The following SNTB1 variants were observed in gnomAD, a reference collection of about 807,000 sequenced individuals.
The protein encoded by SNTB1 is syntrophin beta 1, also known as beta-1-syntrophin.
A neutral mutation model predicts 48.9 loss-of-function variants in SNTB1; 36 were observed. The observed-to-expected ratio is 0.74, with a 90% CI of 0.56 to 0.97. SNTB1 has a LOEUF of 0.97. Ranked by LOEUF, SNTB1 falls within the 50% of genes least tolerant of loss-of-function variation. The pLI, the probability that SNTB1 is intolerant of heterozygous loss-of-function variation, is 0.00. For synonymous variants in SNTB1, 299 were observed against 294.6 expected (o/e 1.01, Z -0.15); for missense variants, 786 against 703.4 (o/e 1.12, Z -1.33).
In SNTB1 at chr8:120,536,037, C is replaced by T. The variant is rs1815196993; in HGVS notation, c.*2840G>A. ...TCATGTGTTTTCAGGGTTTTAATTG[C>T]ACTAGTTGATGAATTAAGTAAATGC... On this transcript the variant is annotated 3_prime_UTR_variant, in exon 7 of 7. Coordinates refer to ENST00000517992, the MANE Select transcript of SNTB1 (RefSeq NM_021021.4). 2 of 152,270 alleles carry T rather than the reference C, an allele frequency of 1.3e-5. No homozygotes were observed. Among genetic ancestry groups the T allele is most frequent in the African/African-American group, 2.4e-5 (1 of 41,572 alleles). The allele number at this position is 152,270 out of a possible 1,614,324, so 9.4% of individuals were successfully genotyped here. A position where few individuals can be genotyped will look rare whatever the true frequency, so the allele number is the denominator to read the frequency against.
At chr8:120,614,406 T>C (rs1256513909) in intron 3 of SNTB1, among the ~76,000 whole-genome samples, 1 of 152,228 alleles carries the variant, frequency 6.6e-6, no homozygotes, top group African/African-American at 2.4e-5. Flanking sequence ...ACACAACTCC[T>C]TCTCTGGCAT....
intron 2 of SNTB1, among the ~76,000 whole-genome samples, chr8:120,649,708 C>T (rs1209632975): frequency 2.6e-5 from 4 of 151,960 alleles, no homozygotes; most frequent in East Asian, 1.9e-4. Flanking sequence ...GTTCGAGCTT[C>T]CCGGCTGCTT....
In SNTB1 at chr8:120,565,580, C is replaced by T. The variant is rs1815735778; in HGVS notation, c.1136+9506G>A. Among the ~76,000 whole-genome samples, 2 of 152,128 alleles carry T rather than the reference C, an allele frequency of 1.3e-5. 1 individual carries two copies. Among genetic ancestry groups the T allele is most frequent in the South Asian group, 4.1e-4 (2 of 4,826 alleles). ...AATACCAGGGAAAATGCTAGAAGGT[C>T]ATCTAAGTGAAAAGGAAGGGCAGCA... On this transcript the variant is annotated intron_variant, in intron 4 of 6. Coordinates refer to ENST00000517992, the MANE Select transcript of SNTB1 (RefSeq NM_021021.4).
intron 5 of SNTB1, among the ~76,000 whole-genome samples, chr8:120,546,455 T>G (rs1359948857): frequency 2.6e-5 from 4 of 152,134 alleles, no homozygotes; most frequent in Non-Finnish European, 5.9e-5. Flanking sequence ...GATTTGATAT[T>G]ACTTTTCCAT....
intron 1 of SNTB1, among the ~76,000 whole-genome samples, chr8:120,763,485 T>C (rs1819459970): frequency 6.6e-6 from 1 of 152,282 alleles, no homozygotes; most frequent in East Asian, 1.9e-4. Flanking sequence ...TAGGAAAAAA[T>C]TGACCTATTA....
At chr8:120,656,640 G>A (rs887186223) in intron 2 of SNTB1, among the ~76,000 whole-genome samples, 1 of 152,114 alleles carries the variant, frequency 6.6e-6, no homozygotes, top group Non-Finnish European at 1.5e-5. Flanking sequence ...TACTTACATT[G>A]ATAAATAATC....
chr8:120,676,779 G>A (rs1817844145), intron 2 of SNTB1, among the ~76,000 whole-genome samples: 1 of 152,102 alleles, frequency 6.6e-6, no homozygotes. Flanking sequence ...TAAACAGCTG[G>A]GCATGGTGGC....
intron 1 of SNTB1, among the ~76,000 whole-genome samples, chr8:120,733,726 A>G (rs1328557718): frequency 1.3e-5 from 2 of 152,222 alleles, no homozygotes; most frequent in African/African-American, 2.4e-5. Context: ...GCAAAAGTTG[A>G]TTATATAATT....
At chr8:120,775,334 C>A (rs1819713076) in intron 1 of SNTB1, 1 of 152,158 alleles carries the variant, frequency 6.6e-6, no homozygotes, top group Admixed American at 6.5e-5. Context: ...GTGATCCCAG[C>A]TTCAGAGAGG....
intron 1 of SNTB1, among the ~76,000 whole-genome samples, chr8:120,717,888 A>T (rs4242320): frequency 0.16 from 24,975 of 152,190 alleles, 2,418 homozygotes; most frequent in African/African-American, 0.26. Context: ...AAAGAGCCAT[A>T]CAGTAGTGCC....
At chr8:120,732,640 T>C (rs1450533518) in intron 1 of SNTB1, among the ~76,000 whole-genome samples, 1 of 151,758 alleles carries the variant, frequency 6.6e-6, no homozygotes, top group Non-Finnish European at 1.5e-5. Flanking sequence ...AGACCAGGAG[T>C]TTAAGACCAG....
rs1563853496 is a variant in SNTB1 at position 120,693,773 on chromosome 8, GAGA to G, written c.704_706del (p.Phe235del). 1.2e-6 allele frequency: 2 copies of G among 1,613,990 alleles called. No individual in the cohort carries two copies. Among genetic ancestry groups the G allele is most frequent in the Admixed American group, 1.7e-5 (1 of 59,970 alleles). On this transcript the variant is annotated inframe_deletion, in exon 2 of 7. Coordinates refer to ENST00000517992, the MANE Select transcript of SNTB1 (RefSeq NM_021021.4). The stretch of plus-strand genomic sequence containing the variant: ...GATGCTTTTCCGGTCTCTGTGGAAG[GAGA>G]AGGACTGCGATGACGGGGGGTCTGA...
chr8:120,798,018 T>C (rs886795835), intron 1 of SNTB1, among the ~76,000 whole-genome samples: 8 of 151,972 alleles, frequency 5.3e-5, no homozygotes, highest in Non-Finnish European at 5.9e-5. Flanking sequence ...AAAAATGTCT[T>C]ATGTTTGCTA....
chr8:120,702,691 C>A (rs1818326291), intron 1 of SNTB1, among the ~76,000 whole-genome samples: 1 of 152,158 alleles, frequency 6.6e-6, no homozygotes. Flanking sequence ...TTTAAAAGAA[C>A]CCTTATATTT....
intron 1 of SNTB1, among the ~76,000 whole-genome samples, chr8:120,699,401 T>G (rs1318898809): frequency 6.6e-6 from 1 of 152,092 alleles, no homozygotes; most frequent in African/African-American, 2.4e-5. Context: ...TGGTAATGAG[T>G]GAGTTCTCAC....
intron 2 of SNTB1, among the ~76,000 whole-genome samples, chr8:120,644,447 A>T: frequency 6.6e-6 from 1 of 151,878 alleles, no homozygotes. Context: ...TTTACTGAGA[A>T]TGATGATTTC....
chr8:120,628,526 G>A lies in SNTB1; in HGVS notation c.996+3918C>T, dbSNP rs566179815. ...AATCCCAGGACTTTGGGAGGCCGAC[G>A]TGGCCAGATCACCTGAGGTCAGGAG... On this transcript the variant is annotated intron_variant, in intron 3 of 6. Transcript: ENST00000517992. Among the ~76,000 whole-genome samples the A allele has an allele frequency of 1.1e-4, 17 of 152,294 alleles. No individual in the cohort carries two copies. The East Asian group carries it at 1.9e-3, about 17-fold the overall frequency.
chr8:120,804,757 T>C (rs990513483), intron 1 of SNTB1, among the ~76,000 whole-genome samples: 2 of 152,110 alleles, frequency 1.3e-5, no homozygotes, highest in Admixed American at 1.3e-4. Context: ...TACTTTTTTT[T>C]CCCCACTCTT....
intron 3 of SNTB1, among the ~76,000 whole-genome samples, chr8:120,615,149 CAAAACAAAACAAAA>C (rs1175802297): frequency 1.3e-5 from 2 of 152,038 alleles, no homozygotes; most frequent in African/African-American, 4.8e-5. Context: ...GACTACATCT[CAAAACAAAACAAAA>C]AAAACAAAAC....
Sources: gnomAD v4.1 joint callset for allele counts (sites outside exome capture counted in the v4.1 genomes callset) on GRCh38, gnomAD v4.1.1 for gene constraint, MANE v1.5 for transcripts, NCBI Gene and HGNC (gene_info 2026-07-23, HGNC 2026-07-21) for gene names.